Variants in ALX4 observed in about 807,000 individuals in gnomAD.
ALX4 encodes the protein ALX homeobox 4.
Under a neutral mutation model 40.6 loss-of-function variants are expected in ALX4, and 22 were observed. That is an observed-to-expected ratio of 0.54 (90% CI 0.39 to 0.77). The LOEUF is 0.77. ALX4 is among the 30% of genes least tolerant of loss of function. The probability of loss-of-function intolerance (pLI) is 0.00; values close to 1 mark genes in which losing one functional copy is unlikely to be tolerated. For synonymous variants in ALX4, 266 were observed against 240.5 expected (o/e 1.11, Z -0.98); for missense variants, 556 against 564.8 (o/e 0.98, Z 0.16).
intron 1 of ALX4, among the ~76,000 whole-genome samples, chr11:44,284,427 T>C (rs1316911152): frequency 6.6e-6 from 1 of 152,246 alleles, no homozygotes; most frequent in Non-Finnish European, 1.5e-5. Context: ...GTTAACACTT[T>C]AAACAATATA....
intron 1 of ALX4, among the ~76,000 whole-genome samples, chr11:44,295,259 A>C (rs1956396644): frequency 6.6e-6 from 1 of 152,184 alleles, no homozygotes; most frequent in African/African-American, 2.4e-5. Flanking sequence ...GAGGTCAACT[A>C]ATTTGCCCAA....
chr11:44,305,559 T>C (rs1956461593), intron 1 of ALX4, among the ~76,000 whole-genome samples: 1 of 152,234 alleles, frequency 6.6e-6, no homozygotes, highest in African/African-American at 2.4e-5. Flanking sequence ...GTCTCTTGTA[T>C]ACAAAACACA....
chr11:44,276,321 G>A (rs186241629), intron 1 of ALX4, among the ~76,000 whole-genome samples: 8 of 152,340 alleles, frequency 5.3e-5, no homozygotes, highest in Admixed American at 5.2e-4. Context: ...TGGGATTGAG[G>A]CATGGGCCAC....
chr11:44,294,723 C>T (rs1956392796), intron 1 of ALX4, among the ~76,000 whole-genome samples: 3 of 152,170 alleles, frequency 2.0e-5, no homozygotes, highest in Non-Finnish European at 2.9e-5. Flanking sequence ...TCAAGGTTTC[C>T]GGCCAGTCTG....
chr11:44,293,170 A>AG (rs1211281368), intron 1 of ALX4, among the ~76,000 whole-genome samples: 2 of 20,602 alleles, frequency 9.7e-5, no homozygotes, highest in Admixed American at 1.3e-3. Flanking sequence ...GAAGGAAGGA[A>AG]GCAGGCAGGC....
intron 1 of ALX4, among the ~76,000 whole-genome samples, chr11:44,280,129 C>T (rs1956300819): frequency 6.6e-6 from 1 of 152,194 alleles, no homozygotes; most frequent in African/African-American, 2.4e-5. Flanking sequence ...CGAATGCCAC[C>T]ATTCAAGGCT....
At position 44,261,569 on chromosome 11, in the gene ALX4, C is replaced by T. The variant is rs1956182622; in HGVS notation, c.*3285G>A. ...GTGCTATTTCAGCCTTGGAGACAAGCCTCTCTGTGTGCCCCCCAGAGCCCT... is the reference window on the plus strand; with the variant it reads ...GTGCTATTTCAGCCTTGGAGACAAGTCTCTCTGTGTGCCCCCCAGAGCCCT... On this transcript the variant is annotated 3_prime_UTR_variant, in exon 4 of 4. Coordinates refer to ENST00000652299, the MANE Select transcript of ALX4 (RefSeq NM_021926.4). The T allele has an allele frequency of 6.6e-6, 1 of 152,208 alleles. No individual in the cohort carries two copies. The highest frequency in any genetic ancestry group is 6.5e-5 in the Admixed American group (1 of 15,290). 9.4% of individuals were successfully genotyped at this position (152,208 alleles called of 1,614,324 possible).
intron 1 of ALX4, among the ~76,000 whole-genome samples, chr11:44,303,755 C>A (rs1956449398): frequency 6.6e-6 from 1 of 152,212 alleles, no homozygotes; most frequent in African/African-American, 2.4e-5. Flanking sequence ...ACTAGGGGGC[C>A]GCTGCCCTTT....
rs144198846 is a variant in ALX4 at position 44,265,078 on chromosome 11, G to C, written c.1012C>G (p.Pro338Ala). Residue 338 changes from proline (P) to alanine (A), a missense_variant, in exon 4 of 4, where the codon CCC (proline) becomes GCC (alanine). By Grantham distance (27) the Pro-to-Ala change is conservative. Transcript: ENST00000652299. ...VPACMSPHAH[P>A]PGSGASSVTD... ...ACGCTGCTGGCCCCAGAGCCAGGGG[G>C]GTGGGCATGAGGGGACATGCAGGCA... 6.2e-7 allele frequency: 1 copy of C among 1,612,890 alleles called. No individual in the cohort carries two copies. Among genetic ancestry groups the C allele is most frequent in the Admixed American group, 1.7e-5 (1 of 59,996 alleles).
chr11:44,291,869 A>G (rs1956371445), intron 1 of ALX4, among the ~76,000 whole-genome samples: 1 of 152,190 alleles, frequency 6.6e-6, no homozygotes, highest in African/African-American at 2.4e-5. Flanking sequence ...CCCAGGCTGG[A>G]GTGCATTGAT....
intron 2 of ALX4, among the ~76,000 whole-genome samples, chr11:44,268,601 C>T (rs1253543617): frequency 6.6e-6 from 1 of 152,152 alleles, no homozygotes; most frequent in African/African-American, 2.4e-5. Context: ...GGTCCTTTTC[C>T]TTTGCACGAG....
chr11:44,309,802 A>G lies in ALX4; in HGVS notation c.261T>C (p.Phe87=), dbSNP rs1226177366. Residue 87 remains phenylalanine, a synonymous_variant, in exon 1 of 4, where the codon TTT becomes TTC. Transcript: ENST00000652299. ...LESGAGARGS[F]NKFQPQPSTP... ...TCGACGGCTGGGGCTGGAACTTGTT[A>G]AAGGAGCCCCGCGCCCCAGCTCCAC... The G allele has an allele frequency of 6.4e-7, 1 of 1,551,130 alleles. No homozygotes were observed. Among genetic ancestry groups the G allele is most frequent in the Non-Finnish European group, 8.7e-7 (1 of 1,147,332 alleles).
chr11:44,297,548 T>C (rs1956410119), intron 1 of ALX4, among the ~76,000 whole-genome samples: 1 of 151,752 alleles, frequency 6.6e-6, no homozygotes, highest in African/African-American at 2.4e-5. Context: ...AGAAACCCTG[T>C]CTCTACTAAA....
At chr11:44,293,221 G>A (rs1956382848) in intron 1 of ALX4, among the ~76,000 whole-genome samples, 1 of 150,828 alleles carries the variant, frequency 6.6e-6, no homozygotes, top group South Asian at 2.1e-4. Flanking sequence ...GGAAGAAAAT[G>A]GTTTTTTCAT....
chr11:44,304,293 C>T (rs1026994441), intron 1 of ALX4, among the ~76,000 whole-genome samples: 7 of 152,270 alleles, frequency 4.6e-5, no homozygotes, highest in Non-Finnish European at 8.8e-5. Context: ...CAGGACGGCG[C>T]TCTTACCGCC....
intron 1 of ALX4, among the ~76,000 whole-genome samples, chr11:44,283,674 G>A (rs901686107): frequency 7.9e-5 from 12 of 151,974 alleles, no homozygotes; most frequent in African/African-American, 2.4e-4. Flanking sequence ...AACGATTGTC[G>A]GACCTCGGCC....
chr11:44,303,062 G>C (rs1418471666), intron 1 of ALX4, among the ~76,000 whole-genome samples: 2 of 152,080 alleles, frequency 1.3e-5, no homozygotes, highest in Admixed American at 6.5e-5. Flanking sequence ...GTGGGCCCCG[G>C]TCCCCACGTG....
chr11:44,274,248 A>G (rs1048990546), intron 2 of ALX4, among the ~76,000 whole-genome samples: 4 of 152,076 alleles, frequency 2.6e-5, no homozygotes, highest in African/African-American at 7.2e-5. Context: ...GTTGAGTTCT[A>G]TTGGGTTGTG....
chr11:44,291,723 A>G (rs766526388), intron 1 of ALX4, among the ~76,000 whole-genome samples: 10 of 152,152 alleles, frequency 6.6e-5, no homozygotes, highest in Non-Finnish European at 1.3e-4. Flanking sequence ...TGAATTTCTT[A>G]GCCTGCAGAA....
Sources: gnomAD v4.1 joint callset for allele counts (sites outside exome capture counted in the v4.1 genomes callset) on GRCh38, gnomAD v4.1.1 for gene constraint, MANE v1.5 for transcripts, NCBI Gene and HGNC (gene_info 2026-07-23, HGNC 2026-07-21) for gene names.